Variants in ACACB observed in about 807,000 individuals in gnomAD.
The protein encoded by ACACB is acetyl-CoA carboxylase 2.
Under a neutral mutation model 278.8 loss-of-function variants are expected in ACACB, and 209 were observed. The ratio of observed to expected loss-of-function variants is 0.75; its 90% CI spans 0.67 to 0.84. The LOEUF (loss-of-function observed/expected upper bound fraction) is 0.84. Among genes scored for constraint, ACACB ranks in the 40% least tolerant of loss-of-function variants. ACACB has a pLI of 0.00. For missense variants in ACACB, 2,850 were observed against 3,269.0 expected (o/e 0.87, Z 3.13); for synonymous variants, 1,174 against 1,285.6 (o/e 0.91, Z 1.86).
chr12:109,127,587 A>G (rs2042711619), intron 1 of ACACB, among the ~76,000 whole-genome samples: 1 of 151,478 alleles, frequency 6.6e-6, no homozygotes, highest in African/African-American at 2.4e-5. Context: ...TGATAGATCC[A>G]GAATTCGCCT....
At chr12:109,114,291 G>A (rs1053511436), upstream of ACACB, among the ~76,000 whole-genome samples, 3 of 152,158 alleles carry the variant, frequency 2.0e-5, no homozygotes, top group Non-Finnish European at 2.9e-5. Flanking sequence ...TGTTAGTTGT[G>A]TATATAGCAT....
rs1186286623 is a variant in ACACB, at chr12:109,266,854, AATG to A, written c.*496_*498del. Reference sequence around the variant, plus strand: ...AGGACTAGAGAAAACCTATTTTTGTAATGATGTTTCTTTGGATACTGTCTAGTC... The same window carrying A: ...AGGACTAGAGAAAACCTATTTTTGTAATGTTTCTTTGGATACTGTCTAGTC... On this transcript the variant is annotated 3_prime_UTR_variant, in exon 53 of 53. Coordinates refer to ENST00000338432, the MANE Select transcript of ACACB (RefSeq NM_001093.4). 6.6e-6 allele frequency: 1 copy of A among 152,090 alleles called. No homozygotes were observed. Among genetic ancestry groups the A allele is most frequent in the East Asian group, 1.9e-4 (1 of 5,198 alleles). 9.4% of individuals were successfully genotyped at this position (152,090 alleles called of 1,614,324 possible).
chr12:109,138,432 C>T (rs2043021621), intron 1 of ACACB, among the ~76,000 whole-genome samples: 1 of 152,140 alleles, frequency 6.6e-6, no homozygotes, highest in Non-Finnish European at 1.5e-5. Flanking sequence ...ATACCCCACA[C>T]TGGGGATGAT....
intron 37 of ACACB, among the ~76,000 whole-genome samples, chr12:109,245,297 A>T (rs370350311): frequency 6.6e-6 from 1 of 152,306 alleles, no homozygotes; most frequent in East Asian, 1.9e-4. Flanking sequence ...GGAAAATGAA[A>T]AAAAAAGCAT....
chr12:109,171,781 C>T (rs1195323361), intron 4 of ACACB, 24 bp from the exon 5 acceptor site: 2 of 1,580,324 alleles, frequency 1.3e-6, no homozygotes, highest in African/African-American at 2.7e-5. Flanking sequence ...CAGTTCCTTC[C>T]TTCTCCCTCC....
At chr12:109,171,777 C>T in intron 4 of ACACB, 28 bp from the exon 5 acceptor site, 1 of 1,564,850 alleles carries the variant, frequency 6.4e-7, no homozygotes, top group Non-Finnish European at 8.8e-7. Context: ...TCAGCAGTTC[C>T]TTCCTTCTCC....
chr12:109,245,336 A>G (rs1212248158), intron 37 of ACACB, among the ~76,000 whole-genome samples: 1 of 152,178 alleles, frequency 6.6e-6, no homozygotes, highest in Admixed American at 6.5e-5. Flanking sequence ...ACTGAATTCA[A>G]GGGAATGGTC....
Position 109,246,395 on chromosome 12 carries a change from G to A in ACACB, c.5518G>A (p.Glu1840Lys), listed in dbSNP as rs754719145. The A allele has an allele frequency of 1.2e-5, 19 of 1,613,632 alleles. No homozygotes were observed. Among genetic ancestry groups the A allele is most frequent in the African/African-American group, 1.3e-5 (1 of 74,770 alleles). ...TGGCGCCCGTATTGGCATGGCAGAG[G>A]AGATCAAACACATGTTCCACGTGGC... is the stretch of plus-strand genomic sequence containing the variant. ...NSGARIGMAE[E>K]IKHMFHVAWV... Residue 1840 changes from glutamate (E) to lysine (K), a missense_variant, in exon 39 of 53, where the codon GAG (glutamate) becomes AAG (lysine). Physicochemically the swap from Glu to Lys is moderately conservative, Grantham distance 56. This residue lies in a region of ACACB where 2,265 missense variants were observed against 2,561.3 expected (regional missense o/e 0.88). Transcript: ENST00000338432.
intron 27 of ACACB, among the ~76,000 whole-genome samples, 196 bp downstream of exon 27, chr12:109,224,100 C>T (rs1363757416): frequency 2.0e-5 from 3 of 152,126 alleles, no homozygotes; most frequent in Admixed American, 6.6e-5. Context: ...ACTTATGCAA[C>T]GTCACACAGC....
chr12:109,154,462 C>T (rs566771885), intron 2 of ACACB, among the ~76,000 whole-genome samples: 1 of 152,344 alleles, frequency 6.6e-6, no homozygotes, highest in African/African-American at 2.4e-5. Flanking sequence ...GTAGGGGTGT[C>T]CCATATTGGG....
At chr12:109,166,678 C>CAAAA (rs1491297525) in intron 2 of ACACB, among the ~76,000 whole-genome samples, 183 bp from the exon 3 acceptor site, 1 of 68,188 alleles carries the variant, frequency 1.5e-5, no homozygotes, top group Non-Finnish European at 2.8e-5. Context: ...AAAAAAAAAA[C>CAAAA]CGAAGGTGCT....
intron 44 of ACACB, among the ~76,000 whole-genome samples, chr12:109,254,624 A>G (rs2047178405): frequency 6.6e-6 from 1 of 152,072 alleles, no homozygotes; most frequent in African/African-American, 2.4e-5. Context: ...CTGATGCTCC[A>G]TGCTCCGTGG....
At chr12:109,157,330 G>A (rs2043576768) in intron 2 of ACACB, among the ~76,000 whole-genome samples, 1 of 148,606 alleles carries the variant, frequency 6.7e-6, no homozygotes, top group Non-Finnish European at 1.5e-5. Flanking sequence ...TGCCCAGACA[G>A]TGGCATGATC....
At chr12:109,201,078 T>C (rs1379365739) in intron 18 of ACACB, among the ~76,000 whole-genome samples, 3 of 152,222 alleles carry the variant, frequency 2.0e-5, no homozygotes, top group Admixed American at 6.5e-5. Context: ...ACAAAGCTCA[T>C]GCCACGCACG....
At chr12:109,176,939 C>T (rs899874812) in intron 9 of ACACB, among the ~76,000 whole-genome samples, 2 of 152,188 alleles carry the variant, frequency 1.3e-5, no homozygotes, top group Non-Finnish European at 2.9e-5. Flanking sequence ...ACTGTAGGAA[C>T]GAATTGCACA....
chr12:109,148,809 C>T (rs936359497), intron 2 of ACACB, among the ~76,000 whole-genome samples: 3 of 151,836 alleles, frequency 2.0e-5, no homozygotes, highest in Non-Finnish European at 4.4e-5. Flanking sequence ...TGTGTGTATG[C>T]GTATGTGTTT....
At chr12:109,128,218 G>A (rs1330300280) in intron 1 of ACACB, among the ~76,000 whole-genome samples, 8 of 151,826 alleles carry the variant, frequency 5.3e-5, no homozygotes, top group African/African-American at 1.9e-4. Context: ...GTGTGATCTC[G>A]GCTCACTGCA....
Position 109,180,077 on chromosome 12 carries a change from C to T in ACACB, c.1808C>T (p.Ala603Val), listed in dbSNP as rs1270188084. The T allele has an allele frequency of 2.5e-6, 4 of 1,610,822 alleles. No homozygotes were observed. The highest frequency in any genetic ancestry group is 3.4e-6 in the Non-Finnish European group (4 of 1,178,682). ...ATTGCTGATGTTAATCTGCCGGCCG[C>T]CCAGCTACAGGTGAGAAAATGGGCT... ...EMIADVNLPA[A>V]QLQIAMGVPL... The change falls in exon 11 of 53, where the codon GCC becomes GTC. Residue 603 changes from alanine (A) to valine (V), a missense_variant. Ala to Val is a moderately conservative substitution (Grantham distance 64). Coordinates refer to ENST00000338432, the MANE Select transcript of ACACB (RefSeq NM_001093.4).
At chr12:109,177,701 G>A (rs1237295702) in intron 9 of ACACB, among the ~76,000 whole-genome samples, 1 of 152,032 alleles carries the variant, frequency 6.6e-6, no homozygotes, top group Non-Finnish European at 1.5e-5. Context: ...GATTAACATG[G>A]GCACTTTTCT....
Sources: allele counts gnomAD v4.1 joint callset (sites outside exome capture counted in the v4.1 genomes callset), GRCh38; gene constraint gnomAD v4.1.1; regional missense constraint gnomAD v4.1.1; transcripts MANE v1.5; gene names NCBI Gene and HGNC (gene_info 2026-07-23, HGNC 2026-07-21).